Variants in SEMA3D observed in about 807,000 individuals in gnomAD.
SEMA3D encodes semaphorin 3D.
SEMA3D carries 84 observed loss-of-function variants against 100.1 expected under a neutral mutation model. The observed-to-expected ratio is 0.84, with a 90% CI of 0.70 to 1.01. The LOEUF (loss-of-function observed/expected upper bound fraction) is 1.01, where lower values mean the gene tolerates loss of function less well. SEMA3D is among the 50% of genes least tolerant of loss of function. SEMA3D has a pLI of 0.00. For synonymous variants in SEMA3D, 312 were observed against 320.7 expected, an observed-to-expected ratio of 0.97 and a Z score of 0.29; for missense variants, 875 against 934.1, an observed-to-expected ratio of 0.94 and a Z score of 0.82.
chr7:85,221,134 T>A, the SEMA3D span, among the ~76,000 whole-genome samples: 3 of 152,044 alleles, frequency 2.0e-5, no homozygotes, highest in Non-Finnish European at 4.4e-5. Context: ...AGGAAAGGAA[T>A]GAAGAGTCCA....
chr7:85,031,996 A>C (rs1350929248), intron 12 of SEMA3D, among the ~76,000 whole-genome samples: 3 of 151,964 alleles, frequency 2.0e-5, no homozygotes, highest in Non-Finnish European at 4.4e-5. Flanking sequence ...AAATAAGTGC[A>C]TATTACAGAA....
intron 4 of SEMA3D, among the ~76,000 whole-genome samples, chr7:85,091,476 T>A (rs1421164561): frequency 1.3e-5 from 2 of 151,758 alleles, no homozygotes; most frequent in Non-Finnish European, 2.9e-5. Flanking sequence ...ATTGCATATT[T>A]TTTTTTACCA....
intron 2 of SEMA3D, among the ~76,000 whole-genome samples, chr7:85,152,176 T>C (rs1192401962): frequency 6.6e-6 from 1 of 152,042 alleles, no homozygotes; most frequent in African/African-American, 2.4e-5. Flanking sequence ...TAATCTTTGG[T>C]TTTGATTATT....
At chr7:85,142,309 C>G in intron 2 of SEMA3D, 1 of 977,372 alleles carries the variant, frequency 1.0e-6, no homozygotes, top group Non-Finnish European at 1.2e-6. Context: ...TTTATCTACA[C>G]CCTCAGTGTC....
upstream of SEMA3D, among the ~76,000 whole-genome samples, chr7:85,187,216 C>T (rs1440242871): frequency 1.3e-5 from 2 of 152,152 alleles, no homozygotes; most frequent in African/African-American, 4.8e-5. Flanking sequence ...TTAGAGGTAG[C>T]CCTGGCCAAG....
intron 2 of SEMA3D, among the ~76,000 whole-genome samples, chr7:85,129,549 T>G (rs1197623488): frequency 1.3e-5 from 2 of 152,194 alleles, no homozygotes; most frequent in East Asian, 3.9e-4. Flanking sequence ...TGCCAACATG[T>G]AAAAATATGT....
In SEMA3D at chr7:85,044,441, T is replaced by C. The variant is rs146787255; in HGVS notation, c.862-2156A>G. Among the ~76,000 whole-genome samples, 1,097 of 152,254 alleles carry C rather than the reference T, an allele frequency of 7.2e-3. 13 individuals carry two copies. Among genetic ancestry groups the C allele is most frequent in the African/African-American group, 0.025 (1,022 of 41,558 alleles). Reference sequence around the variant, plus strand: ...GTTCTGTAAAACTCAGGAATAATTATTATTTTCTTTATTTGTTCTTTAGGT... The same window carrying C: ...GTTCTGTAAAACTCAGGAATAATTACTATTTTCTTTATTTGTTCTTTAGGT... On this transcript the variant is annotated intron_variant, in intron 9 of 18. Transcript: ENST00000284136.
At chr7:85,093,272 C>T (rs955340817) in intron 4 of SEMA3D, among the ~76,000 whole-genome samples, 2 of 151,940 alleles carry the variant, frequency 1.3e-5, no homozygotes, top group Admixed American at 6.6e-5. Flanking sequence ...CTTATAGTTA[C>T]CCTCCTTTCC....
At chr7:85,203,484 T>C in the SEMA3D span, among the ~76,000 whole-genome samples, 1 of 152,158 alleles carries the variant, frequency 6.6e-6, no homozygotes, top group Non-Finnish European at 1.5e-5. Flanking sequence ...CTTAACTATA[T>C]GAATAGAATA....
the SEMA3D span, among the ~76,000 whole-genome samples, chr7:85,244,918 G>A: frequency 2.0e-5 from 3 of 151,950 alleles, no homozygotes; most frequent in Non-Finnish European, 4.4e-5. Context: ...CACCACGTTG[G>A]CCAGGATGTT....
chr7:85,146,064 G>A (rs1375649387), intron 2 of SEMA3D, among the ~76,000 whole-genome samples: 3 of 152,058 alleles, frequency 2.0e-5, no homozygotes, highest in African/African-American at 7.2e-5. Context: ...GAGTCCACAG[G>A]TGTGGAGCTC....
At chr7:85,158,050 G>A (rs1198281641) in intron 1 of SEMA3D, among the ~76,000 whole-genome samples, 1 of 152,100 alleles carries the variant, frequency 6.6e-6, no homozygotes, top group African/African-American at 2.4e-5. Flanking sequence ...ATCTTCGCAA[G>A]CTGAGGAGGA....
intron 2 of SEMA3D, chr7:85,142,970 A>G: frequency 1.0e-6 from 1 of 985,118 alleles, no homozygotes; most frequent in Non-Finnish European, 1.2e-6. Context: ...TGCCAAGAGC[A>G]ATTCTACCTT....
At chr7:85,028,608 G>C (rs766510895) in intron 12 of SEMA3D, 3 of 241,362 alleles carry the variant, frequency 1.2e-5, no homozygotes, top group African/African-American at 2.4e-5. Flanking sequence ...CAAGAGAGCT[G>C]TCTGGCACCT....
chr7:85,042,064 T>C (rs966719654), intron 10 of SEMA3D, 107 bp downstream of exon 10: 24 of 810,330 alleles, frequency 3.0e-5, no homozygotes, highest in Non-Finnish European at 4.9e-5. Flanking sequence ...CTGTAAGGTT[T>C]GCTCAGGTAA....
At chr7:85,234,402 A>G in the SEMA3D span, among the ~76,000 whole-genome samples, 1 of 152,118 alleles carries the variant, frequency 6.6e-6, no homozygotes, top group Non-Finnish European at 1.5e-5. Context: ...CCACTAGAAT[A>G]TTTTTTCCTC....
rs181814258 is a variant in SEMA3D, at chr7:85,111,513, C to G, written c.151+10228G>C. On this transcript the variant is annotated intron_variant, in intron 3 of 18. Coordinates refer to ENST00000284136, the MANE Select transcript of SEMA3D (RefSeq NM_001384900.1). The stretch of plus-strand genomic sequence containing the variant: ...CTTTGTATTCAGCTCATCAGCAAAT[C>G]CTGTTGGCTCTATCTTTGTGTATCC... 6.8e-3 allele frequency among the ~76,000 whole-genome samples: 1,042 copies of G among 152,188 alleles called. 15 individuals carry two copies. The highest frequency in any genetic ancestry group is 0.024 in the African/African-American group (999 of 41,560).
At chr7:85,166,147 T>C (rs990463787) in intron 1 of SEMA3D, among the ~76,000 whole-genome samples, 1 of 152,030 alleles carries the variant, frequency 6.6e-6, no homozygotes, top group Non-Finnish European at 1.5e-5. Flanking sequence ...TTCATATACC[T>C]ACACACATAT....
chr7:85,133,039 A>G (rs1386940213), intron 2 of SEMA3D, among the ~76,000 whole-genome samples: 2 of 151,964 alleles, frequency 1.3e-5, no homozygotes, highest in East Asian at 1.9e-4. Flanking sequence ...TGAGACTAAT[A>G]AAGTGCCAGA....
Sources: allele counts gnomAD v4.1 joint callset (sites outside exome capture counted in the v4.1 genomes callset), GRCh38; gene constraint gnomAD v4.1.1; transcripts MANE v1.5; gene names NCBI Gene and HGNC (gene_info 2026-07-23, HGNC 2026-07-21).